The following LYPLAL1 variants were observed in gnomAD, a reference collection of about 807,000 sequenced individuals.
The protein encoded by LYPLAL1 is lysophospholipase like 1, also known as lysophospholipase-like protein 1.
LYPLAL1 carries 23 observed loss-of-function variants against 19.7 expected under a neutral mutation model. The observed-to-expected ratio is 1.17, with a 90% CI of 0.84 to 1.65. LYPLAL1 has a LOEUF of 1.65. Ranked by LOEUF, LYPLAL1 falls within the 40% of genes most tolerant of loss-of-function variation. The pLI is 0.00. For synonymous variants in LYPLAL1, 119 were observed against 96.3 expected (o/e 1.24, Z -1.38); for missense variants, 355 against 279.4 (o/e 1.27, Z -1.93).
chr1:219,236,986 GTTTTT>G, the LYPLAL1 span, among the ~76,000 whole-genome samples: 33,999 of 151,414 alleles, frequency 0.22, 4,058 homozygotes, highest in African/African-American at 0.29. Flanking sequence ...TTCAGTTGTT[GTTTTT>G]TTTGTTATTG....
At chr1:219,193,028 T>C in intron 2 of LYPLAL1, 54 bp from the exon 3 acceptor site, 1 of 1,480,902 alleles carries the variant, frequency 6.8e-7, no homozygotes, top group Admixed American at 2.2e-5. Flanking sequence ...AAGCATCCAT[T>C]TTCATATTCC....
the LYPLAL1 span, among the ~76,000 whole-genome samples, chr1:219,366,815 T>G: frequency 2.0e-5 from 3 of 152,012 alleles, no homozygotes; most frequent in Non-Finnish European, 4.4e-5. Context: ...TACACTCTAG[T>G]CCACTGCTCC....
At chr1:219,188,237 G>A (rs957469564) in intron 2 of LYPLAL1, among the ~76,000 whole-genome samples, 3 of 151,804 alleles carry the variant, frequency 2.0e-5, no homozygotes, top group African/African-American at 7.3e-5. Flanking sequence ...AAATAAAAGG[G>A]AAATTAAATG....
At chr1:219,349,427 G>C in the LYPLAL1 span, among the ~76,000 whole-genome samples, 1 of 152,178 alleles carries the variant, frequency 6.6e-6, no homozygotes, top group Non-Finnish European at 1.5e-5. Context: ...CTATGAGAGA[G>C]ATGTGAACAG....
chr1:219,405,044 T>A, the LYPLAL1 span, among the ~76,000 whole-genome samples: 1 of 152,346 alleles, frequency 6.6e-6, no homozygotes, highest in African/African-American at 2.4e-5. Context: ...CATCATCTAT[T>A]TAATCAATAA....
chr1:219,225,552 A>T, the LYPLAL1 span: 12 of 152,122 alleles, frequency 7.9e-5, no homozygotes, highest in Non-Finnish European at 1.3e-4. Context: ...TGACATCTAA[A>T]TCATCCTTGT....
the LYPLAL1 span, among the ~76,000 whole-genome samples, chr1:219,237,699 C>G: frequency 1.3e-5 from 2 of 152,020 alleles, no homozygotes; most frequent in East Asian, 3.8e-4. Flanking sequence ...TTCTCTTCCT[C>G]CAGGAAGCTT....
the LYPLAL1 span, among the ~76,000 whole-genome samples, chr1:219,291,556 T>C: frequency 1.3e-5 from 2 of 152,190 alleles, no homozygotes; most frequent in Non-Finnish European, 2.9e-5. Flanking sequence ...TCTTCCCTAA[T>C]ATTCAGGTTT....
At chr1:219,178,776 A>G (rs546912896) in intron 1 of LYPLAL1, among the ~76,000 whole-genome samples, 1 of 152,324 alleles carries the variant, frequency 6.6e-6, no homozygotes, top group East Asian at 1.9e-4. Flanking sequence ...TATTAAGAAT[A>G]TGATAAGAAA....
chr1:219,439,560 C>A, the LYPLAL1 span, among the ~76,000 whole-genome samples: 2 of 152,116 alleles, frequency 1.3e-5, no homozygotes, highest in Non-Finnish European at 2.9e-5. Flanking sequence ...AAAACACAGT[C>A]CTTATCTTTT....
the LYPLAL1 span, among the ~76,000 whole-genome samples, chr1:219,396,576 G>T: frequency 3.3e-5 from 5 of 152,080 alleles, no homozygotes; most frequent in Non-Finnish European, 5.9e-5. Flanking sequence ...GTTTGTTAGT[G>T]TCTTTTCTGA....
At chr1:219,220,860 C>T in the LYPLAL1 span, among the ~76,000 whole-genome samples, 9 of 152,268 alleles carry the variant, frequency 5.9e-5, no homozygotes, top group East Asian at 3.9e-4. Flanking sequence ...GTTTCATGGG[C>T]CACAGTGTTG....
the LYPLAL1 span, among the ~76,000 whole-genome samples, chr1:219,319,677 T>C: frequency 3.3e-5 from 5 of 152,314 alleles, no homozygotes; most frequent in African/African-American, 1.2e-4. Context: ...GAATGGTGAA[T>C]TGGAGAAAGA....
chr1:219,231,587 G>A, the LYPLAL1 span, among the ~76,000 whole-genome samples: 18 of 152,038 alleles, frequency 1.2e-4, no homozygotes, highest in South Asian at 2.1e-4. Context: ...ACTAGTAAAC[G>A]GTAGAAAATG....
the LYPLAL1 span, among the ~76,000 whole-genome samples, chr1:219,414,345 T>C: frequency 1.3e-5 from 2 of 152,162 alleles, no homozygotes; most frequent in Admixed American, 6.5e-5. Context: ...GAAAAGGGCA[T>C]GAGTTTGAGA....
At chr1:219,227,906 T>C in the LYPLAL1 span, among the ~76,000 whole-genome samples, 2 of 152,134 alleles carry the variant, frequency 1.3e-5, no homozygotes, top group African/African-American at 4.8e-5. Context: ...AAGATATTGC[T>C]TCATACACAC....
At chr1:219,273,922 G>A in the LYPLAL1 span, among the ~76,000 whole-genome samples, 5 of 152,098 alleles carry the variant, frequency 3.3e-5, no homozygotes, top group Admixed American at 2.0e-4. Flanking sequence ...CATCACATCC[G>A]GCTAATTTTT....
the LYPLAL1 span, among the ~76,000 whole-genome samples, chr1:219,350,762 T>C: frequency 1.3e-5 from 2 of 152,306 alleles, no homozygotes; most frequent in African/African-American, 4.8e-5. Flanking sequence ...GGAAACTCGA[T>C]GACATATGAT....
At chr1:219,183,660 A>T (rs1656477813) in intron 2 of LYPLAL1, among the ~76,000 whole-genome samples, 1 of 151,900 alleles carries the variant, frequency 6.6e-6, no homozygotes, top group Non-Finnish European at 1.5e-5. Context: ...CTTGAATTTC[A>T]GTTAAATTGA....
Sources: allele counts gnomAD v4.1 joint callset (sites outside exome capture counted in the v4.1 genomes callset), GRCh38; gene constraint gnomAD v4.1.1; transcripts MANE v1.5; gene names NCBI Gene and HGNC (gene_info 2026-07-23, HGNC 2026-07-21).